RNLS: variants seen among roughly 807,000 people sequenced by gnomAD.
RNLS encodes renalase.
In RNLS, 39 loss-of-function variants were observed where a neutral mutation model predicts 39.8. The ratio of observed to expected loss-of-function variants is 0.98; its 90% CI spans 0.76 to 1.28. RNLS has a LOEUF of 1.28. RNLS is among the 50% of genes most tolerant of loss of function. The pLI, the probability that RNLS is intolerant of heterozygous loss-of-function variation, is 0.00. For synonymous variants in RNLS, 147 were observed against 150.7 expected (o/e 0.98, Z 0.18); for missense variants, 410 against 413.3 (o/e 0.99, Z 0.07).
At chr10:88,502,944 T>C (rs1336978638) in intron 4 of RNLS, among the ~76,000 whole-genome samples, 1 of 152,126 alleles carries the variant, frequency 6.6e-6, no homozygotes, top group African/African-American at 2.4e-5. Flanking sequence ...AGGAAAACTT[T>C]AAACAAATAC....
chr10:88,411,279 C>T (rs1186414415), intron 4 of RNLS, among the ~76,000 whole-genome samples: 1 of 152,052 alleles, frequency 6.6e-6, no homozygotes, highest in Non-Finnish European at 1.5e-5. Context: ...TTCAGAATTG[C>T]AATTGATTAT....
intron 4 of RNLS, among the ~76,000 whole-genome samples, chr10:88,527,753 G>A (rs958411868): frequency 2.0e-5 from 3 of 151,392 alleles, no homozygotes; most frequent in Non-Finnish European, 4.4e-5. Flanking sequence ...GACAGCCAAG[G>A]GTCACCCATT....
At chr10:88,222,280 C>T in the RNLS span, among the ~76,000 whole-genome samples, 4 of 152,142 alleles carry the variant, frequency 2.6e-5, no homozygotes, top group Non-Finnish European at 5.9e-5. Context: ...TAATCCAACC[C>T]ACATCTGAGT....
At chr10:88,561,064 A>T (rs2134386234) in intron 4 of RNLS, among the ~76,000 whole-genome samples, 1 of 152,234 alleles carries the variant, frequency 6.6e-6, no homozygotes, top group East Asian at 1.9e-4. Flanking sequence ...GGGTAGAGAG[A>T]ATGAGCTCCA....
the RNLS span, among the ~76,000 whole-genome samples, chr10:88,180,105 G>A: frequency 6.6e-6 from 1 of 152,182 alleles, no homozygotes; most frequent in Non-Finnish European, 1.5e-5. Context: ...TCTTTCTGGA[G>A]TTGCACTAGC....
At chr10:88,552,030 A>G (rs1322495914) in intron 4 of RNLS, among the ~76,000 whole-genome samples, 1 of 152,218 alleles carries the variant, frequency 6.6e-6, no homozygotes, top group East Asian at 1.9e-4. Context: ...TGGCAGCAGC[A>G]GTTTCTTTCA....
the RNLS span, among the ~76,000 whole-genome samples, chr10:88,232,321 T>C: frequency 6.6e-6 from 1 of 152,178 alleles, no homozygotes. Context: ...ACCAGAAGAA[T>C]GGTGATGAGA....
chr10:88,244,127 G>A, the RNLS span, among the ~76,000 whole-genome samples: 3,034 of 152,334 alleles, frequency 0.02, 57 homozygotes, highest in South Asian at 0.075. Context: ...AGAAGAGAGT[G>A]GGGGTGGGGG....
chr10:88,495,447 T>C lies in RNLS; in HGVS notation c.526+77456A>G, dbSNP rs1845111608. Among the ~76,000 whole-genome samples, 4 of 152,154 alleles carry C rather than the reference T, an allele frequency of 2.6e-5. No homozygotes were observed. The South Asian group carries it at 8.3e-4, about 31-fold the overall frequency. On this transcript the variant is annotated intron_variant, in intron 4 of 6. Transcript: ENST00000331772. ...AAATGGTTATATTATGTTAGACAAG[T>C]AGATTAAACTTTGCAAGCTTCAGAT... is the stretch of plus-strand genomic sequence containing the variant.
At chr10:88,203,291 CGTATGTATATATATATATAT>C in the RNLS span, among the ~76,000 whole-genome samples, 4 of 1,534 alleles carry the variant, frequency 2.6e-3, no homozygotes, top group Admixed American at 0.011. Context: ...TATATATATA[CGTATGTATATATATATATAT>C]ACGTATGTAT....
chr10:88,314,064 A>T (rs1564685192), intron 6 of RNLS, among the ~76,000 whole-genome samples: 1 of 152,326 alleles, frequency 6.6e-6, no homozygotes, highest in East Asian at 1.9e-4. Flanking sequence ...AGCAAAATAC[A>T]CTTACAAGGT....
chr10:88,516,138 A>G (rs1052139607), intron 4 of RNLS, among the ~76,000 whole-genome samples: 4 of 152,078 alleles, frequency 2.6e-5, no homozygotes, highest in Non-Finnish European at 4.4e-5. Flanking sequence ...CAGAACCGTG[A>G]GAAAATAAAT....
chr10:88,296,051 T>C (rs1844073754), intron 6 of RNLS, among the ~76,000 whole-genome samples: 1 of 152,224 alleles, frequency 6.6e-6, no homozygotes, highest in Non-Finnish European at 1.5e-5. Flanking sequence ...CAGCAAGTTG[T>C]AGTATATTCA....
the RNLS span, among the ~76,000 whole-genome samples, chr10:88,203,817 TGTTA>T: frequency 1.3e-5 from 2 of 151,838 alleles, no homozygotes; most frequent in Non-Finnish European, 2.9e-5. Flanking sequence ...TAGAGATACA[TGTTA>T]GTTTTAATAT....
intron 4 of RNLS, among the ~76,000 whole-genome samples, chr10:88,488,699 C>T (rs959258137): frequency 1.1e-4 from 17 of 151,906 alleles, no homozygotes; most frequent in African/African-American, 3.6e-4. Flanking sequence ...AAGTTGACGG[C>T]TAATAGAGCA....
chr10:88,419,113 A>T (rs1050384506), intron 4 of RNLS, among the ~76,000 whole-genome samples: 2 of 152,142 alleles, frequency 1.3e-5, no homozygotes, highest in Admixed American at 6.5e-5. Context: ...CTGACCTCAG[A>T]TTGTTTGCTA....
At chr10:88,313,274 T>A (rs1239538233) in intron 6 of RNLS, among the ~76,000 whole-genome samples, 1 of 152,226 alleles carries the variant, frequency 6.6e-6, no homozygotes, top group African/African-American at 2.4e-5. Flanking sequence ...CGAATGTTTC[T>A]TTTAAAGAAG....
intron 4 of RNLS, among the ~76,000 whole-genome samples, chr10:88,490,023 C>T (rs1000331771): frequency 6.6e-6 from 1 of 152,106 alleles, no homozygotes; most frequent in Non-Finnish European, 1.5e-5. Context: ...CATGAAAAGG[C>T]TCTTAAAGCT....
chr10:88,312,698 A>G (rs1845467602), intron 6 of RNLS, among the ~76,000 whole-genome samples: 1 of 152,182 alleles, frequency 6.6e-6, no homozygotes, highest in African/African-American at 2.4e-5. Flanking sequence ...ATATATTTAA[A>G]ATAATCTATT....
Sources: allele counts gnomAD v4.1 joint callset (sites outside exome capture counted in the v4.1 genomes callset), GRCh38; gene constraint gnomAD v4.1.1; transcripts MANE v1.5; gene names NCBI Gene and HGNC (gene_info 2026-07-23, HGNC 2026-07-21).